JMJD1C: variants seen among roughly 807,000 people sequenced by gnomAD.
JMJD1C encodes jumonji domain-containing protein 1C.
In JMJD1C, 31 loss-of-function variants were observed where a neutral mutation model predicts 245.3. The observed-to-expected ratio is 0.13, with a 90% CI of 0.09 to 0.17. JMJD1C has a LOEUF of 0.17. Ranked by LOEUF, JMJD1C falls within the 10% of genes least tolerant of loss-of-function variation. JMJD1C has a pLI of 1.00. For missense variants in JMJD1C, 2,691 were observed against 3,000.2 expected (o/e 0.90, Z 2.41); for synonymous variants, 1,057 against 1,017.4 (o/e 1.04, Z -0.74).
At chr10:63,442,359 A>C (rs948212837) in intron 1 of JMJD1C, among the ~76,000 whole-genome samples, 1 of 152,194 alleles carries the variant, frequency 6.6e-6, no homozygotes, top group Non-Finnish European at 1.5e-5. Flanking sequence ...GCACACACAA[A>C]ATACATTAAG....
intron 1 of JMJD1C, among the ~76,000 whole-genome samples, chr10:63,461,818 G>A (rs1244244920): frequency 1.3e-5 from 2 of 152,156 alleles, no homozygotes; most frequent in Non-Finnish European, 2.9e-5. Flanking sequence ...ATGGGTGTAT[G>A]GATGAATGGA....
intron 2 of JMJD1C, among the ~76,000 whole-genome samples, chr10:63,283,216 C>A (rs1369094605): frequency 2.1e-4 from 32 of 152,216 alleles, no homozygotes; most frequent in Admixed American, 2.0e-3. Flanking sequence ...TCCAGAGTTG[C>A]AGTTTCCTAC....
At chr10:63,204,276 T>C (rs951272573) in intron 10 of JMJD1C, 3 of 985,224 alleles carry the variant, frequency 3.0e-6, no homozygotes, top group Admixed American at 1.2e-4. Flanking sequence ...TCTCTAAAGC[T>C]ACATGCTAGT....
chr10:63,415,594 T>C (rs557607986), intron 1 of JMJD1C, among the ~76,000 whole-genome samples: 2 of 152,332 alleles, frequency 1.3e-5, no homozygotes, highest in East Asian at 1.9e-4. Flanking sequence ...TTTATTTTTG[T>C]AAGGTGATAG....
intron 2 of JMJD1C, among the ~76,000 whole-genome samples, chr10:63,346,982 T>G (rs1943872011): frequency 6.6e-6 from 1 of 152,134 alleles, no homozygotes; most frequent in Non-Finnish European, 1.5e-5. Context: ...GATACATATT[T>G]TCACACCAAA....
chr10:63,169,573 A>G (rs552165768), intron 24 of JMJD1C, among the ~76,000 whole-genome samples: 35 of 152,152 alleles, frequency 2.3e-4, no homozygotes, highest in Admixed American at 3.9e-4. Context: ...GGGTGATGGA[A>G]TTCCAGAGGG....
At chr10:63,414,835 A>G (rs1256205518) in intron 1 of JMJD1C, among the ~76,000 whole-genome samples, 1 of 151,424 alleles carries the variant, frequency 6.6e-6, no homozygotes, top group African/African-American at 2.4e-5. Context: ...TGAACCCAGG[A>G]GGCAGAGGCT....
intron 1 of JMJD1C, among the ~76,000 whole-genome samples, chr10:63,519,346 A>AAAAAGGCAAGAAAGTC (rs1321524061): frequency 6.6e-6 from 1 of 152,244 alleles, no homozygotes. Flanking sequence ...CCTCCAAAGT[A>AAAAAGGCAAGAAAGTC]AAAAGGCAAG....
At chr10:63,481,893 C>T (rs1953842045) in intron 1 of JMJD1C, among the ~76,000 whole-genome samples, 2 of 152,172 alleles carry the variant, frequency 1.3e-5, no homozygotes, top group South Asian at 2.1e-4. Context: ...ATTAAAGACT[C>T]TTCAAAGCTG....
At chr10:63,509,712 C>G (rs752000927) in intron 1 of JMJD1C, among the ~76,000 whole-genome samples, 24 of 152,094 alleles carry the variant, frequency 1.6e-4, no homozygotes, top group Non-Finnish European at 3.2e-4. Flanking sequence ...TGATAATATT[C>G]CTTTATCATC....
At chr10:63,446,528 A>T (rs1464415643) in intron 1 of JMJD1C, among the ~76,000 whole-genome samples, 1 of 152,218 alleles carries the variant, frequency 6.6e-6, no homozygotes, top group African/African-American at 2.4e-5. Flanking sequence ...CAAGAACAAG[A>T]GCGTAGCTAG....
At chr10:63,191,544 A>C (rs924239640) in intron 16 of JMJD1C, among the ~76,000 whole-genome samples, 3 of 152,234 alleles carry the variant, frequency 2.0e-5, no homozygotes, top group African/African-American at 7.2e-5. Context: ...TTATTCACCT[A>C]AACACAAACC....
At chr10:63,200,932 C>T (rs550688216) in intron 10 of JMJD1C, among the ~76,000 whole-genome samples, 182 of 152,246 alleles carry the variant, frequency 1.2e-3, no homozygotes, top group African/African-American at 3.6e-3. Context: ...ACTAAATTTT[C>T]CAGCTGACTG....
intron 1 of JMJD1C, among the ~76,000 whole-genome samples, chr10:63,437,930 A>G (rs941869363): frequency 6.6e-6 from 1 of 152,090 alleles, no homozygotes; most frequent in Non-Finnish European, 1.5e-5. Flanking sequence ...TCTTTCTCAT[A>G]TATCTAATCT....
chr10:63,411,834 C>T (rs1441832609), intron 1 of JMJD1C, among the ~76,000 whole-genome samples: 1 of 151,694 alleles, frequency 6.6e-6, no homozygotes, highest in Non-Finnish European at 1.5e-5. Flanking sequence ...GATCTCCTGA[C>T]CTCATGATCC....
intron 1 of JMJD1C, among the ~76,000 whole-genome samples, chr10:63,380,875 C>T (rs1389008896): frequency 1.3e-5 from 2 of 152,128 alleles, no homozygotes; most frequent in Admixed American, 1.3e-4. Context: ...CCTCAAAACA[C>T]TATAAGTAGA....
Position 63,183,619 on chromosome 10 carries a change from T to C in JMJD1C, c.6962-50A>G, listed in dbSNP as rs749880729. 1.6e-5 allele frequency: 18 copies of C among 1,102,526 alleles called. No individual in the cohort carries two copies. The South Asian group carries it at 2.3e-4, about 14-fold the overall frequency. The allele number at this position is 1,102,526 out of a possible 1,614,324, so 68.3% of individuals were successfully genotyped here. On this transcript the variant is annotated intron_variant, in intron 21 of 25. Transcript: ENST00000399262. ...TGACAAAATATTTATATATATGTAA[T>C]AGCATAATCAGATATTCCCCCAAAT... is the stretch of plus-strand genomic sequence containing the variant.
chr10:63,190,796 T>G lies in JMJD1C; in HGVS notation c.6291+98A>C, dbSNP rs762508568. The G allele has an allele frequency of 2.7e-4, 230 of 843,110 alleles. 1 individual carries two copies. Among genetic ancestry groups the G allele is most frequent in the Non-Finnish European group, 3.3e-4 (166 of 505,954 alleles). 52.2% of individuals were successfully genotyped at this position (843,110 alleles called of 1,614,324 possible). A position where few individuals can be genotyped will look rare whatever the true frequency, so the allele number is the denominator to read the frequency against. ...ATGCCTAGCAATTTGGTACACTTGA[T>G]TTCATCAGCATACTGGGTAGTTCAG... On this transcript the variant is annotated intron_variant, in intron 17 of 25. Transcript: ENST00000399262.
intron 10 of JMJD1C, chr10:63,202,885 C>A: frequency 1.0e-6 from 1 of 976,776 alleles, no homozygotes; most frequent in South Asian, 4.7e-5. Flanking sequence ...CATCTATTTA[C>A]TTTTCAATTT....
Sources: allele counts gnomAD v4.1 joint callset (sites outside exome capture counted in the v4.1 genomes callset), GRCh38; gene constraint gnomAD v4.1.1; transcripts MANE v1.5; gene names NCBI Gene and HGNC (gene_info 2026-07-23, HGNC 2026-07-21).